The following MACF1 variants were observed in gnomAD, a reference collection of about 807,000 sequenced individuals.
The protein encoded by MACF1 is microtubule actin crosslinking factor 1, also known as microtubule-actin cross-linking factor 1.
In MACF1, 193 loss-of-function variants were observed where a neutral mutation model predicts 854.8. That is an observed-to-expected ratio of 0.23 (90% CI 0.20 to 0.25). The LOEUF (loss-of-function observed/expected upper bound fraction) is 0.25, where lower values mean the gene tolerates loss of function less well. Ranked by LOEUF, MACF1 falls within the 10% of genes least tolerant of loss-of-function variation. The pLI is 1.00. For synonymous variants in MACF1, 3,185 were observed against 3,226.7 expected (o/e 0.99, Z 0.44); for missense variants, 7,722 against 8,929.1 (o/e 0.86, Z 5.45).
intron 52 of MACF1, among the ~76,000 whole-genome samples, chr1:39,375,487 G>C (rs1441557794): frequency 6.6e-6 from 1 of 152,100 alleles, no homozygotes; most frequent in African/African-American, 2.4e-5. Context: ...ATTTTTAGTA[G>C]AGACAGGGTT....
rs760036262 is a variant in MACF1 at position 39,361,542 on chromosome 1, G to A, written c.12636G>A (p.Lys4212=). ...LQQQEKESSL[K]KLLPQAEMFE... is the part of the protein sequence containing the mutation. ...AGCAAGAAAAGGAGAGCTCCCTAAA[G>A]AAGCTTCTACCCCAGGCAGAGATGT... The change falls in exon 49 of 101, where the codon AAG becomes AAA. Residue 4212 remains lysine, a synonymous_variant. Coordinates refer to ENST00000564288, the MANE Select transcript of MACF1 (RefSeq NM_001394062.1). The A allele has an allele frequency of 6.2e-7, 1 of 1,614,164 alleles. No homozygotes were observed. Among genetic ancestry groups the A allele is most frequent in the African/African-American group, 1.3e-5 (1 of 75,044 alleles).
At chr1:39,412,532 C>T (rs372448047) in intron 58 of MACF1, 113 of 1,613,860 alleles carry the variant, frequency 7.0e-5, no homozygotes, top group Non-Finnish European at 9.2e-5. Flanking sequence ...AGGAAGTCCC[C>T]AGAGTCAGAG....
Position 39,353,016 on chromosome 1 carries a change from G to T in MACF1, c.11209G>T (p.Ala3737Ser). ...CCTCGGTGGCTTTCAGAGTAAAGCA[G>T]CAAAGGAACTGGCAGAGAACAAGAA... ...LQQETEKSKA[A>S]KELAENKKKI... Residue 3737 changes from alanine to serine, a missense_variant, in exon 44 of 101, where the codon GCA becomes TCA. By Grantham distance (99) the Ala-to-Ser change is moderately conservative. Transcript: ENST00000564288. 1 of 1,613,094 alleles carries T rather than the reference G, an allele frequency of 6.2e-7. No individual in the cohort carries two copies. Among genetic ancestry groups the T allele is most frequent in the Non-Finnish European group, 8.5e-7 (1 of 1,179,150 alleles).
intron 15 of MACF1, among the ~76,000 whole-genome samples, chr1:39,288,421 C>A (rs890478606): frequency 6.7e-6 from 1 of 149,658 alleles, no homozygotes; most frequent in East Asian, 2.0e-4. Context: ...TGGCGTGAAC[C>A]AGGGAAGTGA....
chr1:39,258,721 A>G (rs1290259399), intron 6 of MACF1, among the ~76,000 whole-genome samples: 1 of 152,204 alleles, frequency 6.6e-6, no homozygotes, highest in African/African-American at 2.4e-5. Flanking sequence ...TCTGATACAC[A>G]GTTGCTGCAC....
intron 99 of MACF1, among the ~76,000 whole-genome samples, chr1:39,483,729 A>C (rs1645057317): frequency 6.6e-6 from 1 of 152,180 alleles, no homozygotes; most frequent in Admixed American, 6.5e-5. Context: ...CTTGTTCCTG[A>C]TGTCTCAGTC....
In MACF1 at chr1:39,451,095, A is replaced by T; in HGVS notation, c.20302A>T (p.Met6768Leu). 3.1e-6 allele frequency: 5 copies of T among 1,614,202 alleles called. No homozygotes were observed. The highest frequency in any genetic ancestry group is 4.2e-6 in the Non-Finnish European group (5 of 1,180,024). Residue 6768 changes from methionine to leucine, a missense_variant, in exon 85 of 101, where the codon ATG (methionine) becomes TTG (leucine). Met to Leu is a conservative substitution (Grantham distance 15). Transcript: ENST00000564288. ...EEALLFSGQF[M>L]DALQALVDWL... ...AGCCCTGCTCTTTTCGGGTCAGTTCATGGATGCTTTGCAGGCATTGGTTGA... is the reference window on the plus strand; with the variant it reads ...AGCCCTGCTCTTTTCGGGTCAGTTCTTGGATGCTTTGCAGGCATTGGTTGA...
At chr1:39,448,859 A>T (rs1009437139) in intron 84 of MACF1, 96 bp downstream of exon 84, 14 of 973,034 alleles carry the variant, frequency 1.4e-5, no homozygotes, top group Non-Finnish European at 1.9e-5. Flanking sequence ...CTAATGCATC[A>T]GTAAGAGGTT....
intron 70 of MACF1, chr1:39,436,525 C>CTA (rs759483672): frequency 5.0e-6 from 8 of 1,604,240 alleles, no homozygotes; most frequent in Non-Finnish European, 6.8e-6. Flanking sequence ...CTAGGGTGTT[C>CTA]TTATAATGCT....
intron 58 of MACF1, among the ~76,000 whole-genome samples, chr1:39,421,160 C>T (rs556425335): frequency 7.3e-4 from 111 of 152,278 alleles, no homozygotes; most frequent in Middle Eastern, 3.4e-3. Flanking sequence ...CCACTGTGCC[C>T]GGCCACTTCA....
Position 39,442,270 on chromosome 1 carries a change from G to A in MACF1, c.18898G>A (p.Glu6300Lys), listed in dbSNP as rs781578947. 6.2e-7 allele frequency: 1 copy of A among 1,608,472 alleles called. No individual in the cohort carries two copies. The highest frequency in any genetic ancestry group is 1.1e-5 in the South Asian group (1 of 90,398). ...AGACATTATACGAGAACCACTGACA[G>A]AACTCAAACACCTCTGGGAGAACCT... The part of the protein sequence containing the change: ...DRDIIREPLT[E>K]LKHLWENLGE... Residue 6300 changes from glutamate to lysine, a missense_variant, in exon 76 of 101, where the codon GAA (glutamate) becomes AAA (lysine). By Grantham distance (56) the Glu-to-Lys change is moderately conservative (BLOSUM62 1). Coordinates refer to ENST00000564288, the MANE Select transcript of MACF1 (RefSeq NM_001394062.1).
chr1:39,233,792 T>A lies in MACF1; in HGVS notation c.171+2549T>A, dbSNP rs1233249428. 1.8e-4 allele frequency among the ~76,000 whole-genome samples: 16 copies of A among 90,926 alleles called. 1 individual carries two copies. The highest frequency in any genetic ancestry group is 4.9e-4 in the African/African-American group (16 of 32,830). The allele number at this position is 90,926 out of a possible 152,430, so 59.7% of individuals were successfully genotyped here. On this transcript the variant is annotated intron_variant, in intron 2 of 100. Transcript: ENST00000564288. ...AGCCATAGCTTTTTTTTTTTTTTTT[T>A]TTTTTATTTATTTTTTATTGATAAT...
In MACF1 at chr1:39,286,513, A is replaced by T. The variant is rs934627504; in HGVS notation, c.1508+755A>T. Among the ~76,000 whole-genome samples the T allele has an allele frequency of 6.7e-5, 10 of 148,160 alleles. No individual in the cohort carries two copies. In the East Asian group the frequency reaches 1.4e-3, roughly 21 times the overall value. ...ATGGCATCTTGCTCTGTAGCCCAGG[A>T]TGGAGTGCAGTGACACGATCTCGGC... On this transcript the variant is annotated intron_variant, in intron 14 of 100. Coordinates refer to ENST00000564288, the MANE Select transcript of MACF1 (RefSeq NM_001394062.1).
At chr1:39,089,450 AGAC>A (rs1327297940) in intron 2 of MACF1, among the ~76,000 whole-genome samples, 1 of 152,236 alleles carries the variant, frequency 6.6e-6, no homozygotes, top group South Asian at 2.1e-4. Context: ...CCTTCTAGTC[AGAC>A]GACAATTGTC....
At chr1:39,394,266 G>GATTT (rs1017550227) in intron 58 of MACF1, among the ~76,000 whole-genome samples, 9 of 149,470 alleles carry the variant, frequency 6.0e-5, no homozygotes, top group East Asian at 1.9e-4. Flanking sequence ...TTGATTGATT[G>GATTT]ATTGATTGAT....
chr1:39,284,069 G>C lies in MACF1; in HGVS notation c.919G>C (p.Val307Leu). ...GATGTTTACCTTCTGGCAATAGGAA[G>C]TGGACTCCAGGTGGCAAGAATACCA... ...EGGEGISATE[V>L]DSRWQEYQSR... The change falls in exon 10 of 101, where the codon GTG (valine) becomes CTG (leucine). Residue 307 changes from valine (V) to leucine (L), a missense_variant. Physicochemically the swap from Val to Leu is conservative, Grantham distance 32. Transcript: ENST00000564288. 6.2e-7 allele frequency: 1 copy of C among 1,613,928 alleles called. No individual in the cohort carries two copies. Among genetic ancestry groups the C allele is most frequent in the Non-Finnish European group, 8.5e-7 (1 of 1,179,912 alleles).
intron 2 of MACF1, among the ~76,000 whole-genome samples, chr1:39,110,640 C>G (rs768386571): frequency 5.3e-5 from 8 of 152,134 alleles, no homozygotes; most frequent in Non-Finnish European, 1.2e-4. Context: ...GACATGAACA[C>G]TGTTAATTCA....
At chr1:39,101,585 G>C (rs1041418685) in intron 2 of MACF1, among the ~76,000 whole-genome samples, 2 of 149,424 alleles carry the variant, frequency 1.3e-5, no homozygotes, top group East Asian at 4.0e-4. Context: ...AGCACTTTGG[G>C]AGGCCAAGGT....
In MACF1 at chr1:39,310,953, G is replaced by C; in HGVS notation, c.3223G>C (p.Asp1075His). 6.2e-7 allele frequency: 1 copy of C among 1,614,170 alleles called. No homozygotes were observed. Among genetic ancestry groups the C allele is most frequent in the Non-Finnish European group, 8.5e-7 (1 of 1,180,010 alleles). The change falls in exon 26 of 101, where the codon GAC becomes CAC. Residue 1075 changes from aspartate to histidine, a missense_variant. Asp to His is a moderately conservative substitution (Grantham distance 81). Transcript: ENST00000564288. ...RIQSLASSRTDRDAWQDNALR... is the reference protein window; with the variant it reads ...RIQSLASSRTHRDAWQDNALR... Reference sequence around the variant, plus strand: ...TCAGTCTCTAGCCAGCTCTAGGACTGACAGAGATGCCTGGCAGGACAATGC... The same window carrying C: ...TCAGTCTCTAGCCAGCTCTAGGACTCACAGAGATGCCTGGCAGGACAATGC...
Sources: gnomAD v4.1 joint callset for allele counts (sites outside exome capture counted in the v4.1 genomes callset) on GRCh38, gnomAD v4.1.1 for gene constraint, MANE v1.5 for transcripts, NCBI Gene and HGNC (gene_info 2026-07-23, HGNC 2026-07-21) for gene names.